CEP112: variants seen among roughly 807,000 people sequenced by gnomAD.
The protein encoded by CEP112 is centrosomal protein of 112 kDa.
In CEP112, 127 loss-of-function variants were observed where a neutral mutation model predicts 153.0. The observed-to-expected ratio is 0.83, with a 90% CI of 0.72 to 0.96. CEP112 has a LOEUF of 0.96. Among genes scored for constraint, CEP112 ranks in the 40% least tolerant of loss-of-function variants. The pLI, the probability that CEP112 is intolerant of heterozygous loss-of-function variation, is 0.00. For missense variants in CEP112, 1,089 were observed against 1,101.2 expected (o/e 0.99, Z 0.16); for synonymous variants, 358 against 374.4 (o/e 0.96, Z 0.51).
At chr17:65,730,389 G>GA (rs1270376590) in intron 23 of CEP112, among the ~76,000 whole-genome samples, 2 of 152,132 alleles carry the variant, frequency 1.3e-5, no homozygotes, top group Non-Finnish European at 2.9e-5. Context: ...CATTCTTCCT[G>GA]AAAAATGGCA....
intron 17 of CEP112, among the ~76,000 whole-genome samples, chr17:65,982,709 G>A (rs1340086393): frequency 6.6e-6 from 1 of 151,854 alleles, no homozygotes; most frequent in African/African-American, 2.4e-5. Context: ...TCCACTCCTG[G>A]GTATATACAC....
intron 24 of CEP112, among the ~76,000 whole-genome samples, chr17:65,666,731 A>G (rs2046710780): frequency 6.6e-6 from 1 of 152,206 alleles, no homozygotes; most frequent in Non-Finnish European, 1.5e-5. Context: ...TTTTTCCTAA[A>G]GAGCACTAAT....
At chr17:65,727,457 C>T (rs985998741) in intron 23 of CEP112, among the ~76,000 whole-genome samples, 3 of 152,204 alleles carry the variant, frequency 2.0e-5, no homozygotes, top group South Asian at 2.1e-4. Context: ...GCAGGGATAT[C>T]GGCTGAGAGG....
At chr17:66,168,437 ATATATGTGTGTGTATATATGTATATG>A (rs1439193251) in intron 4 of CEP112, among the ~76,000 whole-genome samples, 2 of 142,950 alleles carry the variant, frequency 1.4e-5, no homozygotes, top group African/African-American at 5.0e-5. Flanking sequence ...ATATATGTAT[ATATATGTGTGTGTATATATGTATATG>A]TGTGTGTATA....
At chr17:65,936,821 C>T (rs1457931470) in intron 18 of CEP112, among the ~76,000 whole-genome samples, 2 of 136,404 alleles carry the variant, frequency 1.5e-5, no homozygotes, top group East Asian at 3.0e-4. Context: ...CCTCTCCCCA[C>T]GGTCTCCCTC....
chr17:65,644,355 G>A (rs796701956), intron 24 of CEP112: 144 of 561,004 alleles, frequency 2.6e-4, no homozygotes, highest in Non-Finnish European at 3.9e-4. Flanking sequence ...GTGAGAAGCC[G>A]GACAAGTTCA....
At chr17:66,098,302 T>G (rs1488570597) in intron 6 of CEP112, among the ~76,000 whole-genome samples, 1 of 152,222 alleles carries the variant, frequency 6.6e-6, no homozygotes, top group Admixed American at 6.5e-5. Context: ...CCTACTAAAC[T>G]CTGTTCAATT....
rs1446160375 is a variant in CEP112, at chr17:66,183,240, A to T, written c.60T>A (p.Phe20Leu). ...WEKLDAEFDH[F>L]VVDMKPFVLK... ...GAACAAAGGGCTTCATATCAACCAC[A>T]AAGTGATCAAATTCTGCATCCAGCT... The change falls in exon 2 of 27, where the codon TTT becomes TTA. Residue 20 changes from phenylalanine (F) to leucine (L), a missense_variant. Physicochemically the swap from Phe to Leu is conservative, Grantham distance 22. Transcript: ENST00000535342. 1.9e-6 allele frequency: 3 copies of T among 1,612,706 alleles called. No homozygotes were observed.
chr17:66,146,663 A>AT (rs2070932886), intron 4 of CEP112, among the ~76,000 whole-genome samples: 3 of 152,082 alleles, frequency 2.0e-5, no homozygotes, highest in Admixed American at 6.6e-5. Flanking sequence ...ATTAAACAAT[A>AT]ACTCCCTATT....
intron 25 of CEP112, among the ~76,000 whole-genome samples, chr17:65,637,834 G>A (rs1045558296): frequency 1.3e-5 from 2 of 152,190 alleles, no homozygotes; most frequent in African/African-American, 4.8e-5. Flanking sequence ...GGTTTCACTA[G>A]CTGTTGAATG....
chr17:65,923,810 CAT>C (rs1259171470), intron 19 of CEP112, among the ~76,000 whole-genome samples: 1 of 152,080 alleles, frequency 6.6e-6, no homozygotes, highest in East Asian at 1.9e-4. Flanking sequence ...CTTTGAGACA[CAT>C]ATGTTTTAAT....
intron 8 of CEP112, among the ~76,000 whole-genome samples, chr17:66,070,377 T>A (rs1446219675): frequency 6.6e-6 from 1 of 152,182 alleles, no homozygotes; most frequent in Non-Finnish European, 1.5e-5. Context: ...GTAAGTCTCT[T>A]CCAACCTTTT....
chr17:66,074,942 C>T (rs1309192047), intron 8 of CEP112, among the ~76,000 whole-genome samples: 1 of 146,098 alleles, frequency 6.8e-6, no homozygotes, highest in African/African-American at 2.5e-5. Flanking sequence ...AGAGAAACAA[C>T]AGGCTCCCCA....
intron 20 of CEP112, among the ~76,000 whole-genome samples, chr17:65,896,035 AT>A (rs1341287409): frequency 2.0e-5 from 3 of 152,262 alleles, no homozygotes; most frequent in African/African-American, 7.2e-5. Context: ...CAAAAGATAG[AT>A]TTTTAAAACA....
At chr17:65,819,019 C>G (rs557780167) in intron 21 of CEP112, among the ~76,000 whole-genome samples, 2 of 151,986 alleles carry the variant, frequency 1.3e-5, no homozygotes, top group South Asian at 2.1e-4. Flanking sequence ...TGGTGAGAAT[C>G]TCTTGTAATT....
chr17:65,825,024 T>A (rs911629858), intron 21 of CEP112, among the ~76,000 whole-genome samples: 5 of 152,170 alleles, frequency 3.3e-5, no homozygotes, highest in Non-Finnish European at 5.9e-5. Flanking sequence ...TATTTACACA[T>A]CCATGTTCAC....
rs779823432 is a variant in CEP112 at position 65,851,852 on chromosome 17, T to C, written c.2346A>G (p.Ile782Met). ...CAGCAGCATGAGTCTTTTTCAGCTCTATTTTCATCTTTTCTGATTCAGCCT... is the reference window on the plus strand; with the variant it reads ...CAGCAGCATGAGTCTTTTTCAGCTCCATTTTCATCTTTTCTGATTCAGCCT... ...KLKAESEKMK[I>M]ELKKTHAAET... The change falls in exon 21 of 27, where the codon ATA becomes ATG. Residue 782 changes from isoleucine (I) to methionine (M), a missense_variant. Physicochemically the swap from Ile to Met is conservative, Grantham distance 10 (BLOSUM62 1). Coordinates refer to ENST00000535342, the MANE Select transcript of CEP112 (RefSeq NM_001199165.4). 6.2e-7 allele frequency: 1 copy of C among 1,614,186 alleles called. No homozygotes were observed. The highest frequency in any genetic ancestry group is 1.1e-5 in the South Asian group (1 of 91,084).
rs369291295 is a variant in CEP112, at chr17:66,053,642, A to G, written c.1218+94T>C. The G allele has an allele frequency of 1.0e-5, 13 of 1,248,884 alleles. No homozygotes were observed. The African/African-American group carries it at 2.0e-4, about 19-fold the overall frequency. The allele number at this position is 1,248,884 out of a possible 1,614,324, so 77.4% of individuals were successfully genotyped here. A position where few individuals can be genotyped will look rare whatever the true frequency, so the allele number is the denominator to read the frequency against. ...AGTTTTTCTTTTGATTCTGTAACACACTTCTTTCTACACTGTGCACATCAG... is the reference window on the plus strand; with the variant it reads ...AGTTTTTCTTTTGATTCTGTAACACGCTTCTTTCTACACTGTGCACATCAG... On this transcript the variant is annotated intron_variant, in intron 12 of 26. Coordinates refer to ENST00000535342, the MANE Select transcript of CEP112 (RefSeq NM_001199165.4).
chr17:65,899,767 C>A (rs976332672), intron 20 of CEP112, among the ~76,000 whole-genome samples: 3 of 152,038 alleles, frequency 2.0e-5, no homozygotes, highest in Admixed American at 1.3e-4. Context: ...TTCTAATAGC[C>A]CTTTTTACAA....
Sources: allele counts gnomAD v4.1 joint callset (sites outside exome capture counted in the v4.1 genomes callset), GRCh38; gene constraint gnomAD v4.1.1; transcripts MANE v1.5; gene names NCBI Gene and HGNC (gene_info 2026-07-23, HGNC 2026-07-21).